Variants in BCL11B observed in about 807,000 individuals in gnomAD.
BCL11B encodes the protein BCL11 transcription factor B, also known as B-cell lymphoma/leukemia 11B.
BCL11B carries 8 observed loss-of-function variants against 49.9 expected under a neutral mutation model. That is an observed-to-expected ratio of 0.16 (90% CI 0.09 to 0.29). The LOEUF is 0.29. Ranked by LOEUF, BCL11B falls within the 10% of genes least tolerant of loss-of-function variation. The pLI is 1.00. For missense variants in BCL11B, 1,006 were observed against 1,351.0 expected (o/e 0.74, Z 4.00); for synonymous variants, 739 against 637.4 (o/e 1.16, Z -2.40).
chr14:99,241,933 T>G lies in BCL11B; in HGVS notation c.428-10376A>C, dbSNP rs1888682057. Among the ~76,000 whole-genome samples, 6 of 152,282 alleles carry G rather than the reference T, an allele frequency of 3.9e-5. No homozygotes were observed. The South Asian group carries it at 1.2e-3, about 32-fold the overall frequency. ...TAAAAACAGCCAACAGATTTTTCAC[T>G]ACCGAAGACGCCAAGCGTAAACATG... On this transcript the variant is annotated intron_variant, in intron 2 of 3. Transcript: ENST00000357195. The surrounding 1 kb of genome is among the most constrained non-coding windows in gnomAD (Gnocchi z 4.4).
In BCL11B at chr14:99,194,830, G is replaced by A. The variant is rs576639188; in HGVS notation, c.641-18635C>T. ...GAGGATGCAGACAGGCCTGAACCAC[G>A]GGCACCCGACCAGTAGGACCTTGGT... On this transcript the variant is annotated intron_variant, in intron 3 of 3. Coordinates refer to ENST00000357195, the MANE Select transcript of BCL11B (RefSeq NM_138576.4). The surrounding 1 kb of genome is among the most constrained non-coding windows in gnomAD (Gnocchi z 4.6). Among the ~76,000 whole-genome samples the A allele has an allele frequency of 6.6e-6, 1 of 152,150 alleles. No individual in the cohort carries two copies. Among genetic ancestry groups the A allele is most frequent in the Non-Finnish European group, 1.5e-5 (1 of 68,032 alleles).
At chr14:99,204,693 C>T (rs1343265400) in intron 3 of BCL11B, among the ~76,000 whole-genome samples, 2 of 152,180 alleles carry the variant, frequency 1.3e-5, no homozygotes, top group Admixed American at 1.3e-4. Context: ...AGAACCTTCT[C>T]CCTTACCAAT....
At position 99,175,578 on chromosome 14, in the gene BCL11B, G is replaced by A; in HGVS notation, c.1258C>T (p.Pro420Ser). Residue 420 changes from proline to serine, a missense_variant, in exon 4 of 4, where the codon CCG becomes TCG. Around this residue, in one of 6 missense-constraint regions of BCL11B, gnomAD observed 97 missense variants for 81.5 expected, o/e 1.19. Coordinates refer to ENST00000357195, the MANE Select transcript of BCL11B (RefSeq NM_138576.4). Reference sequence around the variant, plus strand: ...GACTTGCTCTTGGCTGGCGGCTGCGGGGGCGGCGTGCCGCCAGGGGGCATG... The same window carrying A: ...GACTTGCTCTTGGCTGGCGGCTGCGAGGGCGGCGTGCCGCCAGGGGGCATG... ...PPMPPGGTPP[P>S]QPPAKSKSCE... The A allele has an allele frequency of 6.3e-7, 1 of 1,585,252 alleles. No individual in the cohort carries two copies. The highest frequency in any genetic ancestry group is 8.6e-7 in the Non-Finnish European group (1 of 1,167,562).
chr14:99,199,525 T>C (rs892703675), intron 3 of BCL11B, among the ~76,000 whole-genome samples: 3 of 152,140 alleles, frequency 2.0e-5, no homozygotes, highest in African/African-American at 7.2e-5. Context: ...ATTGGAGCGC[T>C]CTCGACTGAA....
At position 99,173,789 on chromosome 14, in the gene BCL11B, C is replaced by T. The variant is rs531153753; in HGVS notation, c.*362G>A. 85 of 287,924 alleles carry T rather than the reference C, an allele frequency of 3.0e-4. No homozygotes were observed. The highest frequency in any genetic ancestry group is 1.8e-3 in the African/African-American group (80 of 45,638). 17.8% of individuals were successfully genotyped at this position (287,924 alleles called of 1,614,324 possible). On this transcript the variant is annotated 3_prime_UTR_variant, in exon 4 of 4. Coordinates refer to ENST00000357195, the MANE Select transcript of BCL11B (RefSeq NM_138576.4). The stretch of plus-strand genomic sequence containing the variant: ...CTAACATTGCTTGCGAGTCATTGCT[C>T]AGGCTACTACCGGGTTAAAAAAAAA...
Position 99,175,441 on chromosome 14 carries a change from C to T in BCL11B, c.1395G>A (p.Ser465=), listed in dbSNP as rs975102476. The change falls in exon 4 of 4, where the codon TCG becomes TCA. Residue 465 remains serine, a synonymous_variant. Transcript: ENST00000357195. ...YKCQLCDHAC[S]QASKLKRHMK... The stretch of plus-strand genomic sequence containing the variant: ...TGTGGCGCTTGAGCTTGCTGGCCTG[C>T]GAGCACGCGTGGTCGCACAGCTGGC... 4 of 1,610,848 alleles carry T rather than the reference C, an allele frequency of 2.5e-6. No individual in the cohort carries two copies. The highest frequency in any genetic ancestry group is 3.4e-6 in the Non-Finnish European group (4 of 1,178,696).
At chr14:99,229,023 GATGGATGGATGGATGGATGC>G (rs1888239753) in intron 3 of BCL11B, among the ~76,000 whole-genome samples, 11 of 120,478 alleles carry the variant, frequency 9.1e-5, no homozygotes, top group South Asian at 2.5e-4. Flanking sequence ...TGGATGGATG[GATGGATGGATGGATGGATGC>G]ATGGATGGAT....
intron 2 of BCL11B, among the ~76,000 whole-genome samples, chr14:99,233,243 C>T (rs184788819): frequency 2.6e-4 from 40 of 152,158 alleles, no homozygotes; most frequent in Non-Finnish European, 4.6e-4. Context: ...TGCAGACCAC[C>T]GAGGGCTCTG....
intron 3 of BCL11B, among the ~76,000 whole-genome samples, chr14:99,204,544 C>T (rs1295646197): frequency 1.3e-5 from 2 of 152,084 alleles, no homozygotes; most frequent in African/African-American, 2.4e-5. Flanking sequence ...GTGGGGGACT[C>T]GCCAACACCC....
chr14:99,225,103 T>C (rs939401482), intron 3 of BCL11B, among the ~76,000 whole-genome samples: 8 of 152,296 alleles, frequency 5.3e-5, no homozygotes, highest in African/African-American at 1.9e-4. Context: ...CCAAGCCTCA[T>C]GGTCAGGCAG....
In BCL11B at chr14:99,173,835, C is replaced by G. The variant is rs1027211827; in HGVS notation, c.*316G>C. ...AAAAAACAAAGAAGGGATGGATACC[C>G]AACAAAATCTCTTAAAGGAATTCAA... On this transcript the variant is annotated 3_prime_UTR_variant, in exon 4 of 4. Coordinates refer to ENST00000357195, the MANE Select transcript of BCL11B (RefSeq NM_138576.4). 9 of 375,714 alleles carry G rather than the reference C, an allele frequency of 2.4e-5. No homozygotes were observed. Among genetic ancestry groups the G allele is most frequent in the African/African-American group, 4.1e-5 (2 of 48,248 alleles). The allele number at this position is 375,714 out of a possible 1,614,324, so 23.3% of individuals were successfully genotyped here. A position where few individuals can be genotyped will look rare whatever the true frequency, so the allele number is the denominator to read the frequency against.
intron 3 of BCL11B, among the ~76,000 whole-genome samples, chr14:99,211,587 T>C (rs958600882): frequency 1.3e-5 from 2 of 152,162 alleles, no homozygotes; most frequent in African/African-American, 4.8e-5. Context: ...TGCACATGCA[T>C]TCACATGTAC....
rs1222596274 is a variant in BCL11B at position 99,171,158 on chromosome 14, T to C, written c.*2993A>G. On this transcript the variant is annotated 3_prime_UTR_variant, in exon 4 of 4. Coordinates refer to ENST00000357195, the MANE Select transcript of BCL11B (RefSeq NM_138576.4). ...CTGCTGTGGCCACACCAAGGAGCCT[T>C]GATGCAAGGTTCGGGGCGTTCAGAG... 1.7e-5 allele frequency: 4 copies of C among 228,686 alleles called. No individual in the cohort carries two copies. The highest frequency in any genetic ancestry group is 8.9e-5 in the African/African-American group (4 of 45,146). The allele number at this position is 228,686 out of a possible 1,614,324, so 14.2% of individuals were successfully genotyped here. A position where few individuals can be genotyped will look rare whatever the true frequency, so the allele number is the denominator to read the frequency against.
chr14:99,199,068 T>C (rs1206062165), intron 3 of BCL11B, among the ~76,000 whole-genome samples: 1 of 152,204 alleles, frequency 6.6e-6, no homozygotes, highest in Non-Finnish European at 1.5e-5. Context: ...ACTGATACTT[T>C]TGCGATACTT....
intron 1 of BCL11B, among the ~76,000 whole-genome samples, chr14:99,259,204 G>A (rs1010965107): frequency 6.6e-5 from 10 of 152,114 alleles, no homozygotes; most frequent in Non-Finnish European, 1.5e-4. Flanking sequence ...TAAGTTGTAT[G>A]GTATTTAGGG....
chr14:99,233,369 A>G (rs1473472322), intron 2 of BCL11B, among the ~76,000 whole-genome samples: 1 of 152,192 alleles, frequency 6.6e-6, no homozygotes, highest in Admixed American at 6.5e-5. Flanking sequence ...CGAAGCCCGC[A>G]ATGCTCTGCT....
Position 99,271,505 on chromosome 14 carries a change from GA to G in BCL11B, c.-288del, listed in dbSNP as rs1469357579. ...AGAAAAACCTCTCGATCTAAAATAA[GA>G]AAAAGAGGCAAAAAAAAAAAAAACT... is the stretch of plus-strand genomic sequence containing the variant. On this transcript the variant is annotated 5_prime_UTR_variant, in exon 1 of 4. Coordinates refer to ENST00000357195, the MANE Select transcript of BCL11B (RefSeq NM_138576.4). 3 of 154,834 alleles carry G rather than the reference GA, an allele frequency of 1.9e-5. No individual in the cohort carries two copies. The highest frequency in any genetic ancestry group is 3.9e-5 in the Non-Finnish European group (3 of 76,330). The allele number at this position is 154,834 out of a possible 1,614,324, so 9.6% of individuals were successfully genotyped here.
intron 1 of BCL11B, 110 bp downstream of exon 1, chr14:99,271,051 G>A: frequency 8.7e-7 from 1 of 1,156,040 alleles, no homozygotes; most frequent in South Asian, 1.7e-5. Context: ...GCCAGCCAGC[G>A]GGCGGCCCCG....
At chr14:99,177,365 CTG>C (rs922326755) in intron 3 of BCL11B, among the ~76,000 whole-genome samples, 26 of 151,816 alleles carry the variant, frequency 1.7e-4, no homozygotes, top group African/African-American at 4.8e-4. Flanking sequence ...ACGTCATCGT[CTG>C]TGTCCATCAC....
Sources: gnomAD v4.1 joint callset for allele counts (sites outside exome capture counted in the v4.1 genomes callset) on GRCh38, gnomAD v4.1.1 for gene constraint, gnomAD v4.1.1 regional missense constraint, Gnocchi (gnomAD v3.1) non-coding constraint, MANE v1.5 for transcripts, NCBI Gene and HGNC (gene_info 2026-07-23, HGNC 2026-07-21) for gene names.